SASS6: variants seen among roughly 807,000 people sequenced by gnomAD.
SASS6 encodes SAS-6 centriolar assembly protein.
A neutral mutation model predicts 94.9 loss-of-function variants in SASS6; 59 were observed. The observed-to-expected ratio is 0.62, with a 90% confidence interval of 0.50 to 0.77. The LOEUF is 0.77. SASS6 is among the 30% of genes least tolerant of loss of function. The probability of loss-of-function intolerance (pLI) is 0.00; values close to 1 mark genes in which losing one functional copy is unlikely to be tolerated. For missense variants in SASS6, 698 were observed against 734.1 expected (o/e 0.95, Z 0.57); for synonymous variants, 264 against 270.0 (o/e 0.98, Z 0.22).
At chr1:100,096,301 C>T (rs1652094811) in intron 14 of SASS6, among the ~76,000 whole-genome samples, 1 of 152,142 alleles carries the variant, frequency 6.6e-6, no homozygotes, top group South Asian at 2.1e-4. Context: ...AAAGACTTTT[C>T]ATAAATGGTA....
chr1:100,118,095 C>T (rs1653924888), intron 7 of SASS6, among the ~76,000 whole-genome samples: 1 of 152,020 alleles, frequency 6.6e-6, no homozygotes, highest in Non-Finnish European at 1.5e-5. Flanking sequence ...CAAGGCAGAT[C>T]ACCTAAGGTT....
intron 7 of SASS6, among the ~76,000 whole-genome samples, chr1:100,111,068 T>C (rs1653294151): frequency 6.6e-6 from 1 of 152,008 alleles, no homozygotes. Flanking sequence ...CACAAACCTA[T>C]CTTAGTAACT....
At chr1:100,102,675 C>CAAA (rs67844941) in intron 14 of SASS6, among the ~76,000 whole-genome samples, 4,572 of 69,960 alleles carry the variant, frequency 0.065, 156 homozygotes, top group African/African-American at 0.078. Flanking sequence ...AAGACTGTCT[C>CAAA]AAAAAAAAAA....
At chr1:100,114,634 C>T (rs904147630) in intron 7 of SASS6, among the ~76,000 whole-genome samples, 3 of 152,138 alleles carry the variant, frequency 2.0e-5, no homozygotes, top group African/African-American at 4.8e-5. Flanking sequence ...GGGAGGGTCA[C>T]TTGAGCCCGG....
Position 100,123,239 on chromosome 1 carries a change from G to A in SASS6, c.177C>T (p.Asn59=). ...TDDTDPFFLY[N]LVISEEDFQS... is the part of the protein sequence containing the mutation. ...GAAAATCTTCCTCAGATATAACAAG[G>A]TTATATAAAAAAAATGGATCCGTGT... is the stretch of plus-strand genomic sequence containing the variant. The change falls in exon 3 of 17, where the codon AAC becomes AAT. Residue 59 remains asparagine (N), a synonymous_variant. Transcript: ENST00000287482. The A allele has an allele frequency of 2.0e-6, 3 of 1,522,810 alleles. No individual in the cohort carries two copies. Among genetic ancestry groups the A allele is most frequent in the East Asian group, 2.3e-5 (1 of 44,082 alleles). The allele number at this position is 1,522,810 out of a possible 1,614,324, so 94.3% of individuals were successfully genotyped here. A position where few individuals can be genotyped will look rare whatever the true frequency, so the allele number is the denominator to read the frequency against.
intron 7 of SASS6, among the ~76,000 whole-genome samples, chr1:100,113,318 C>CA (rs1427582824): frequency 1.3e-5 from 2 of 150,930 alleles, no homozygotes; most frequent in African/African-American, 2.4e-5. Context: ...AAAATCAAGC[C>CA]AAAAAAAAGG....
intron 15 of SASS6, among the ~76,000 whole-genome samples, chr1:100,086,513 AT>A (rs11327228): frequency 0.53 from 71,946 of 135,962 alleles, 18,161 homozygotes; most frequent in East Asian, 0.61. Flanking sequence ...TAATGATTTG[AT>A]TTTTTTTTTT....
In SASS6 at chr1:100,085,379, C is replaced by G. The variant is rs770629923; in HGVS notation, c.1923G>C (p.Ala641=). Residue 641 remains alanine (A), a synonymous_variant, in exon 17 of 17, where the codon GCG becomes GCC. Coordinates refer to ENST00000287482, the MANE Select transcript of SASS6 (RefSeq NM_194292.3). ...GALHTSSKPT[A]LPSASSAYFP... ...AATAGGCTGAAGACGCAGAGGGGAG[C>G]GCTGTGGGTTTGGAAGATGTATGTA... 1.9e-6 allele frequency: 3 copies of G among 1,613,458 alleles called. No homozygotes were observed. The highest frequency in any genetic ancestry group is 1.7e-6 in the Non-Finnish European group (2 of 1,179,488).
intron 1 of SASS6, among the ~76,000 whole-genome samples, chr1:100,131,665 C>T (rs1054952349): frequency 6.6e-6 from 1 of 152,174 alleles, no homozygotes; most frequent in Non-Finnish European, 1.5e-5. Context: ...TCTCCATATG[C>T]AGCTGCTGGT....
At chr1:100,122,789 G>A (rs1415499916) in intron 3 of SASS6, among the ~76,000 whole-genome samples, 1 of 152,054 alleles carries the variant, frequency 6.6e-6, no homozygotes, top group East Asian at 1.9e-4. Context: ...CTGACCTCAT[G>A]ATCCGCCCTC....
intron 14 of SASS6, among the ~76,000 whole-genome samples, chr1:100,100,276 GAATA>G (rs890492768): frequency 9.9e-5 from 15 of 152,064 alleles, no homozygotes; most frequent in African/African-American, 3.6e-4. Flanking sequence ...AAAAATAAAT[GAATA>G]AATGAATGAA....
chr1:100,091,080 C>G (rs1651646405), intron 14 of SASS6, among the ~76,000 whole-genome samples: 2 of 151,950 alleles, frequency 1.3e-5, no homozygotes, highest in Admixed American at 1.3e-4. Context: ...TGAGGTGGGT[C>G]AATCACATGA....
intron 1 of SASS6, among the ~76,000 whole-genome samples, chr1:100,130,322 CA>C (rs1419452200): frequency 6.6e-6 from 1 of 152,144 alleles, no homozygotes; most frequent in East Asian, 1.9e-4. Context: ...ACACTTAGGA[CA>C]GTTCCTGAGA....
intron 2 of SASS6, among the ~76,000 whole-genome samples, chr1:100,124,553 G>T (rs886272484): frequency 6.6e-6 from 1 of 152,094 alleles, no homozygotes; most frequent in South Asian, 2.1e-4. Flanking sequence ...GCTAATTTGT[G>T]TATTTTTTTG....
chr1:100,100,174 G>A (rs1443210209), intron 14 of SASS6, among the ~76,000 whole-genome samples: 5 of 152,196 alleles, frequency 3.3e-5, no homozygotes, highest in African/African-American at 4.8e-5. Flanking sequence ...GCTGAGGCAT[G>A]AGAATCGCTT....
intron 14 of SASS6, among the ~76,000 whole-genome samples, chr1:100,094,258 G>T (rs1229886735): frequency 6.6e-6 from 1 of 151,738 alleles, no homozygotes; most frequent in African/African-American, 2.4e-5. Context: ...GGCCTAAGAA[G>T]AAATAAATAA....
chr1:100,125,297 A>T (rs1471655576), intron 2 of SASS6, among the ~76,000 whole-genome samples: 1 of 150,188 alleles, frequency 6.7e-6, no homozygotes, highest in Non-Finnish European at 1.5e-5. Flanking sequence ...ATATGTTATT[A>T]TATATATATA....
intron 3 of SASS6, among the ~76,000 whole-genome samples, chr1:100,122,827 A>G (rs1027376530): frequency 2.6e-4 from 39 of 152,242 alleles, no homozygotes; most frequent in African/African-American, 9.1e-4. Flanking sequence ...CTGGGATTAC[A>G]GGCGTGAGCC....
At chr1:100,086,715 C>CT (rs1209143076) in intron 15 of SASS6, among the ~76,000 whole-genome samples, 2 of 151,834 alleles carry the variant, frequency 1.3e-5, no homozygotes, top group African/African-American at 2.4e-5. Context: ...GGGCCCCACT[C>CT]TATCACCCAG....
Sources: allele counts gnomAD v4.1 joint callset (sites outside exome capture counted in the v4.1 genomes callset), GRCh38; gene constraint gnomAD v4.1.1; transcripts MANE v1.5; gene names NCBI Gene and HGNC (gene_info 2026-07-23, HGNC 2026-07-21).